DHRS3: variants seen among roughly 807,000 people sequenced by gnomAD.
The protein encoded by DHRS3 is dehydrogenase/reductase 3, also known as short-chain dehydrogenase/reductase 3.
In DHRS3, 14 loss-of-function variants were observed where a neutral mutation model predicts 27.2. That is an observed-to-expected ratio of 0.52 (90% confidence interval 0.34 to 0.81). The LOEUF (loss-of-function observed/expected upper bound fraction) is 0.81. DHRS3 is among the 30% of genes least tolerant of loss of function. The probability of loss-of-function intolerance (pLI) is 0.01; values close to 1 mark genes in which losing one functional copy is unlikely to be tolerated. For synonymous variants in DHRS3, 165 were observed against 175.9 expected (o/e 0.94, Z 0.49); for missense variants, 322 against 406.2 (o/e 0.79, Z 1.78).
chr1:12,576,859 C>T (rs934483636), intron 4 of DHRS3, among the ~76,000 whole-genome samples: 4 of 148,296 alleles, frequency 2.7e-5, no homozygotes, highest in Admixed American at 2.1e-4. Context: ...ATCTAGTATC[C>T]GGGCTTTGCA....
intron 3 of DHRS3, 22 bp downstream of exon 3, chr1:12,579,271 T>C (rs972368688): frequency 6.2e-7 from 1 of 1,614,058 alleles, no homozygotes; most frequent in Non-Finnish European, 8.5e-7. Context: ...CGGGGCTGGC[T>C]CTGGCCCCGG....
chr1:12,579,446 G>A, intron 2 of DHRS3, 34 bp from the exon 3 acceptor site: 1 of 1,610,766 alleles, frequency 6.2e-7, no homozygotes, highest in Non-Finnish European at 8.5e-7. Context: ...GGCCATGAGG[G>A]CAGCCAGCCC....
rs1557509331 is a variant in DHRS3 at position 12,569,231 on chromosome 1, T to TCTCTCACACACACACA, written c.825-808_825-807insTGTGTGTGTGTGAGAG. ...AAACTCTGTCCCCTCTCTCTCTCTC[T>TCTCTCACACACACACA]CACACACACACACACACACACACAC... is the stretch of plus-strand genomic sequence containing the variant. On this transcript the variant is annotated intron_variant, in intron 5 of 5. Transcript: ENST00000616661. Among the ~76,000 whole-genome samples the TCTCTCACACACACACA allele has an allele frequency of 4.5e-5, 5 of 110,582 alleles. No individual in the cohort carries two copies. The East Asian group carries it at 1.1e-3, about 24-fold the overall frequency. 72.5% of individuals were successfully genotyped at this position (110,582 alleles called of 152,430 possible). A position where few individuals can be genotyped will look rare whatever the true frequency, so the allele number is the denominator to read the frequency against.
rs1290342620 is a variant in DHRS3 at position 12,617,387 on chromosome 1, C to A, written c.-39G>T. 3.2e-6 allele frequency: 5 copies of A among 1,579,470 alleles called. No individual in the cohort carries two copies. The African/African-American group carries it at 5.4e-5, about 17-fold the overall frequency. On this transcript the variant is annotated 5_prime_UTR_variant, in exon 1 of 6. Transcript: ENST00000616661. ...GAGCCGGGCAGGGGGCGAAACTCCC[C>A]GGGCCGAGCAATACAGGAATTAAAA...
At chr1:12,595,760 G>C (rs1389125415) in intron 1 of DHRS3, among the ~76,000 whole-genome samples, 3 of 150,970 alleles carry the variant, frequency 2.0e-5, no homozygotes, top group African/African-American at 7.3e-5. Flanking sequence ...GAGGAGCTGG[G>C]TTGGGATCCC....
chr1:12,580,228 CAGA>C (rs3841741), intron 2 of DHRS3: 25,107 of 446,744 alleles, frequency 0.056, 1,193 homozygotes, highest in East Asian at 0.19. Flanking sequence ...TGACTGGAGT[CAGA>C]AGGATTTTCC....
chr1:12,579,252 C>G (rs770930524), intron 3 of DHRS3, 41 bp downstream of exon 3: 64 of 1,613,810 alleles, frequency 4.0e-5, no homozygotes, highest in Non-Finnish European at 5.3e-5. Context: ...CCTGGGCTCC[C>G]TGCACGCCCG....
intron 1 of DHRS3, among the ~76,000 whole-genome samples, chr1:12,587,517 G>A (rs769000639): frequency 1.3e-5 from 2 of 151,850 alleles, no homozygotes; most frequent in African/African-American, 2.4e-5. Flanking sequence ...CTTTATATTT[G>A]TATAAGCAAA....
chr1:12,599,871 A>C (rs927924795), intron 1 of DHRS3, among the ~76,000 whole-genome samples: 7 of 152,292 alleles, frequency 4.6e-5, no homozygotes, highest in South Asian at 4.1e-4. Context: ...GAGCCCTAGT[A>C]TTTCCATCTT....
intron 1 of DHRS3, among the ~76,000 whole-genome samples, chr1:12,613,469 C>G (rs1365989263): frequency 1.3e-5 from 2 of 152,176 alleles, no homozygotes; most frequent in African/African-American, 4.8e-5. Context: ...AACAGATACC[C>G]CAGGTAGGTT....
chr1:12,616,908 T>G, intron 1 of DHRS3: 1 of 891,012 alleles, frequency 1.1e-6, no homozygotes, highest in Non-Finnish European at 1.6e-6. Flanking sequence ...AGGGTGGGGG[T>G]GAATAGCCAG....
rs1248760716 is a variant in DHRS3, at chr1:12,586,896, A to C, written c.196-6230T>G. Among the ~76,000 whole-genome samples the C allele has an allele frequency of 1.3e-5, 2 of 152,032 alleles. No individual in the cohort carries two copies. Among genetic ancestry groups the C allele is most frequent in the Non-Finnish European group, 2.9e-5 (2 of 67,962 alleles). On this transcript the variant is annotated intron_variant, in intron 1 of 5. Transcript: ENST00000616661. The surrounding 1 kb of genome is among the most constrained non-coding windows in gnomAD (Gnocchi z 5.0). ...AGCTGGCAGAAGCTGGCACCCACTA[A>C]CTAACTGCTCAGTACCCACTCCCTG...
rs569744974 is a variant in DHRS3 at position 12,591,290 on chromosome 1, CT to C, written c.196-10625del. Among the ~76,000 whole-genome samples the C allele has an allele frequency of 1.3e-5, 2 of 152,212 alleles. No homozygotes were observed. Among genetic ancestry groups the C allele is most frequent in the Non-Finnish European group, 2.9e-5 (2 of 68,028 alleles). On this transcript the variant is annotated intron_variant, in intron 1 of 5. Coordinates refer to ENST00000616661, the MANE Select transcript of DHRS3 (RefSeq NM_004753.7). This position sits in a 1 kb window ranked among gnomAD's most constrained non-coding sequence, Gnocchi z 4.1. ...TCGGCTAGGTCCTTATGTGTCCTTC[CT>C]GTTCCTGCACTGCTGGGCTGCTGAA...
rs1298342333 is a variant in DHRS3, at chr1:12,591,808, A to G, written c.196-11142T>C. On this transcript the variant is annotated intron_variant, in intron 1 of 5. Transcript: ENST00000616661. This position sits in a 1 kb window ranked among gnomAD's most constrained non-coding sequence, Gnocchi z 4.1. ...GAGCAAAATGACCCCACGAAACAAC[A>G]TATTCATTCAGTGCACAGGTACAGT... is the stretch of plus-strand genomic sequence containing the variant. 6.6e-6 allele frequency among the ~76,000 whole-genome samples: 1 copy of G among 152,228 alleles called. No individual in the cohort carries two copies. Among genetic ancestry groups the G allele is most frequent in the African/African-American group, 2.4e-5 (1 of 41,456 alleles).
chr1:12,610,791 C>T (rs574796015), intron 1 of DHRS3, among the ~76,000 whole-genome samples: 1 of 152,196 alleles, frequency 6.6e-6, no homozygotes, highest in Non-Finnish European at 1.5e-5. Flanking sequence ...TGAAATGTTT[C>T]AAGTATCTTA....
chr1:12,579,418 G>T lies in DHRS3; in HGVS notation c.340-6C>A. 6.2e-7 allele frequency: 1 copy of T among 1,613,570 alleles called. No individual in the cohort carries two copies. Among genetic ancestry groups the T allele is most frequent in the South Asian group, 1.1e-5 (1 of 91,054 alleles). On this transcript the variant is annotated splice_polypyrimidine_tract_variant and splice_region_variant and intron_variant, in intron 2 of 5. Transcript: ENST00000616661. ...AGGATGGTGATGTCACCCACCTGCA[G>T]GCGAGAGGGAGCCACGGGGCCATGA...
intron 2 of DHRS3, chr1:12,579,803 C>T: frequency 5.2e-6 from 1 of 192,394 alleles, no homozygotes; most frequent in Non-Finnish European, 1.1e-5. Flanking sequence ...ATATGGCTTA[C>T]TCCTAAGTGA....
Position 12,589,150 on chromosome 1 carries a change from G to A in DHRS3, c.196-8484C>T, listed in dbSNP as rs531257504. 1.2e-4 allele frequency among the ~76,000 whole-genome samples: 18 copies of A among 152,310 alleles called. 1 individual carries two copies. Among genetic ancestry groups the A allele is most frequent in the Admixed American group, 3.3e-4 (5 of 15,302 alleles). Reference sequence around the variant, plus strand: ...GCTTTTAAGACATTAAGGTTAGAATGGGGTGCTAGATAGCAGAGGGTGAGT... The same window carrying A: ...GCTTTTAAGACATTAAGGTTAGAATAGGGTGCTAGATAGCAGAGGGTGAGT... On this transcript the variant is annotated intron_variant, in intron 1 of 5. Transcript: ENST00000616661.
chr1:12,598,261 G>A (rs1174080714), intron 1 of DHRS3, among the ~76,000 whole-genome samples: 4 of 152,130 alleles, frequency 2.6e-5, no homozygotes, highest in Admixed American at 1.3e-4. Flanking sequence ...GGTGGTGCGC[G>A]CCTGTAGTCC....
Sources: allele counts gnomAD v4.1 joint callset (sites outside exome capture counted in the v4.1 genomes callset), GRCh38; gene constraint gnomAD v4.1.1; non-coding constraint Gnocchi (gnomAD v3.1); transcripts MANE v1.5; gene names NCBI Gene and HGNC (gene_info 2026-07-23, HGNC 2026-07-21).